Variants in ITPK1 observed in about 807,000 individuals in gnomAD.
ITPK1 encodes the protein inositol-tetrakisphosphate 1-kinase.
In ITPK1, 21 loss-of-function variants were observed where a neutral mutation model predicts 45.3. The ratio of observed to expected loss-of-function variants is 0.46; its 90% CI spans 0.33 to 0.67. The LOEUF is 0.67. Ranked by LOEUF, ITPK1 falls within the 30% of genes least tolerant of loss-of-function variation. ITPK1 has a pLI of 0.02. For synonymous variants in ITPK1, 258 were observed against 253.6 expected, an observed-to-expected ratio of 1.02 and a Z score of -0.16; for missense variants, 474 against 573.5, an observed-to-expected ratio of 0.83 and a Z score of 1.77.
chr14:93,021,867 T>C (rs74578961), intron 3 of ITPK1, among the ~76,000 whole-genome samples: 1,534 of 152,102 alleles, frequency 0.01, 27 homozygotes, highest in African/African-American at 0.035. Context: ...AGGGAAGCTG[T>C]TGAAAATGCT....
chr14:93,058,150 C>T (rs868830298), intron 3 of ITPK1, among the ~76,000 whole-genome samples: 6 of 151,942 alleles, frequency 3.9e-5, no homozygotes, highest in Non-Finnish European at 7.4e-5. Flanking sequence ...CCTGTTAGGG[C>T]CCTGGGCCTG....
intron 4 of ITPK1, among the ~76,000 whole-genome samples, chr14:93,006,146 G>C (rs1357909614): frequency 6.6e-6 from 1 of 152,200 alleles, no homozygotes; most frequent in East Asian, 1.9e-4. Context: ...GAGCCGAGCA[G>C]TGGTGCGCAG....
intron 5 of ITPK1, among the ~76,000 whole-genome samples, chr14:92,978,766 G>C (rs1886075866): frequency 6.7e-6 from 1 of 149,556 alleles, no homozygotes; most frequent in Non-Finnish European, 1.5e-5. Flanking sequence ...CTAGATTTCA[G>C]AGGATGTATG....
Position 93,098,768 on chromosome 14 carries a change from C to T in ITPK1, c.95+16301G>A, listed in dbSNP as rs534312908. ...GCTACTTCAGGGCTGTCCACACGGCCGCAACCAAGGCAGGGCAGAACGGCT... is the reference window on the plus strand; with the variant it reads ...GCTACTTCAGGGCTGTCCACACGGCTGCAACCAAGGCAGGGCAGAACGGCT... On this transcript the variant is annotated intron_variant, in intron 2 of 10. Coordinates refer to ENST00000267615, the MANE Select transcript of ITPK1 (RefSeq NM_014216.6). 2.6e-5 allele frequency among the ~76,000 whole-genome samples: 4 copies of T among 152,286 alleles called. No individual in the cohort carries two copies. In the East Asian group the frequency reaches 7.7e-4, roughly 29 times the overall value.
rs1264276466 is a variant in ITPK1, at chr14:92,958,521, G to A, written c.505-155C>T. On this transcript the variant is annotated intron_variant, in intron 7 of 10. Coordinates refer to ENST00000267615, the MANE Select transcript of ITPK1 (RefSeq NM_014216.6). The surrounding 1 kb of genome is among the most constrained non-coding windows in gnomAD (Gnocchi z 4.4). ...CTAGAGGAGCCTTGAGCCAGGGTGA[G>A]TGGAGTGGGACTTGTGAAGAACACC... Among the ~76,000 whole-genome samples, 1 of 152,222 alleles carries A rather than the reference G, an allele frequency of 6.6e-6. No individual in the cohort carries two copies. Among genetic ancestry groups the A allele is most frequent in the Non-Finnish European group, 1.5e-5 (1 of 68,040 alleles).
chr14:93,085,001 C>T (rs957928252), intron 2 of ITPK1, among the ~76,000 whole-genome samples: 2 of 152,226 alleles, frequency 1.3e-5, no homozygotes, highest in East Asian at 3.9e-4. Flanking sequence ...CCCTGTGCCC[C>T]CTGCAGACCC....
chr14:92,957,566 C>A (rs567535382), intron 8 of ITPK1, among the ~76,000 whole-genome samples: 17 of 152,290 alleles, frequency 1.1e-4, no homozygotes, highest in Non-Finnish European at 1.8e-4. Flanking sequence ...TCAGGCCCAG[C>A]GACAACAGCA....
At chr14:92,970,155 G>A (rs370501304) in intron 5 of ITPK1, among the ~76,000 whole-genome samples, 21 of 152,316 alleles carry the variant, frequency 1.4e-4, no homozygotes, top group Admixed American at 4.6e-4. Flanking sequence ...AGGTGGACCC[G>A]AGAGGACAAC....
At chr14:93,041,038 G>T (rs988673530) in intron 3 of ITPK1, among the ~76,000 whole-genome samples, 1 of 152,206 alleles carries the variant, frequency 6.6e-6, no homozygotes, top group African/African-American at 2.4e-5. Flanking sequence ...TACAGAGTGT[G>T]GGGGGAGATG....
intron 4 of ITPK1, among the ~76,000 whole-genome samples, chr14:93,010,064 G>A (rs952898874): frequency 6.6e-6 from 1 of 152,188 alleles, no homozygotes; most frequent in African/African-American, 2.4e-5. Context: ...AATGGGTCAC[G>A]TGGTACATTC....
At chr14:93,060,554 G>C (rs953375939) in intron 3 of ITPK1, among the ~76,000 whole-genome samples, 1 of 152,194 alleles carries the variant, frequency 6.6e-6, no homozygotes, top group African/African-American at 2.4e-5. Context: ...CTCAGGAATG[G>C]AGGGGACCCT....
intron 9 of ITPK1, 59 bp from the exon 10 acceptor site, chr14:92,946,552 A>G: frequency 6.6e-7 from 1 of 1,522,160 alleles, no homozygotes; most frequent in Admixed American, 1.7e-5. Flanking sequence ...GCCACACCAC[A>G]CAGACAGACC....
rs1193084018 is a variant in ITPK1 at position 92,991,002 on chromosome 14, G to GCCGGGGCAGGGGGGGTGACAA, written c.364+2857_364+2877dup. ...TCTCTGAAAACAGAGCAGTCTTACTGCCGGGGCAGGGGGGGTGACAACCGG... is the reference window on the plus strand; with the variant it reads ...TCTCTGAAAACAGAGCAGTCTTACTGCCGGGGCAGGGGGGGTGACAACCGGGGCAGGGGGGGTGACAACCGG... On this transcript the variant is annotated intron_variant, in intron 5 of 10. Coordinates refer to ENST00000267615, the MANE Select transcript of ITPK1 (RefSeq NM_014216.6). Among the ~76,000 whole-genome samples, 9 of 151,906 alleles carry GCCGGGGCAGGGGGGGTGACAA rather than the reference G, an allele frequency of 5.9e-5. No homozygotes were observed. The East Asian group carries it at 1.7e-3, about 29-fold the overall frequency.
intron 3 of ITPK1, chr14:93,068,949 T>C (rs990772992): frequency 6.6e-5 from 10 of 152,486 alleles, no homozygotes; most frequent in African/African-American, 2.4e-4. Context: ...AGTGCTGGCA[T>C]GGGCTTTCCC....
chr14:93,006,047 C>T (rs1002950988), intron 4 of ITPK1, among the ~76,000 whole-genome samples: 1 of 152,194 alleles, frequency 6.6e-6, no homozygotes, highest in Admixed American at 6.5e-5. Flanking sequence ...GGCTGCCCCC[C>T]AAGATGGGAA....
intron 3 of ITPK1, among the ~76,000 whole-genome samples, chr14:93,042,033 C>G (rs1010690864): frequency 3.9e-5 from 6 of 152,208 alleles, no homozygotes; most frequent in African/African-American, 1.4e-4. Context: ...GCCTACCACA[C>G]AGCTGCCATG....
At chr14:93,008,114 C>A (rs575288588) in intron 4 of ITPK1, among the ~76,000 whole-genome samples, 1 of 152,350 alleles carries the variant, frequency 6.6e-6, no homozygotes, top group South Asian at 2.1e-4. Context: ...TGGTCAGGTG[C>A]TGCTCCCTTG....
At chr14:92,994,202 A>G (rs2139810459) in intron 4 of ITPK1, among the ~76,000 whole-genome samples, 1 of 152,368 alleles carries the variant, frequency 6.6e-6, no homozygotes, top group Middle Eastern at 3.4e-3. Context: ...ACTCAGAAAT[A>G]GAGCACCACA....
At chr14:93,062,977 C>T (rs1231430299) in intron 3 of ITPK1, among the ~76,000 whole-genome samples, 1 of 152,176 alleles carries the variant, frequency 6.6e-6, no homozygotes. Flanking sequence ...CTGCCCTCAC[C>T]AGGCCCCAAA....
Sources: gnomAD v4.1 joint callset for allele counts (sites outside exome capture counted in the v4.1 genomes callset) on GRCh38, gnomAD v4.1.1 for gene constraint, Gnocchi (gnomAD v3.1) non-coding constraint, MANE v1.5 for transcripts, NCBI Gene and HGNC (gene_info 2026-07-23, HGNC 2026-07-21) for gene names.